Variants in SNTG1 observed in about 807,000 individuals in gnomAD.
SNTG1 encodes syntrophin gamma 1.
A neutral mutation model predicts 74.7 loss-of-function variants in SNTG1; 39 were observed. The observed-to-expected ratio is 0.52, with a 90% confidence interval of 0.40 to 0.68. The LOEUF is 0.68. Ranked by LOEUF, SNTG1 falls within the 30% of genes least tolerant of loss-of-function variation. SNTG1 has a pLI of 0.00. For synonymous variants in SNTG1, 254 were observed against 217.1 expected, an observed-to-expected ratio of 1.17 and a Z score of -1.49; for missense variants, 685 against 609.5, an observed-to-expected ratio of 1.12 and a Z score of -1.30.
chr8:49,931,663 T>C (rs979197531), intron 1 of SNTG1, among the ~76,000 whole-genome samples: 1 of 151,954 alleles, frequency 6.6e-6, no homozygotes, highest in African/African-American at 2.4e-5. Flanking sequence ...ACAAACAAAA[T>C]CAATATCGGT....
At chr8:50,444,924 T>C (rs965183821) in intron 5 of SNTG1, among the ~76,000 whole-genome samples, 2 of 152,200 alleles carry the variant, frequency 1.3e-5, no homozygotes, top group Non-Finnish European at 2.9e-5. Flanking sequence ...CCATACAATT[T>C]ACCCATTTAA....
chr8:50,102,718 T>A (rs1210937080), intron 1 of SNTG1, among the ~76,000 whole-genome samples: 1 of 151,340 alleles, frequency 6.6e-6, no homozygotes, highest in East Asian at 1.9e-4. Context: ...CTTTAATCCA[T>A]CTTGAATTAA....
chr8:50,329,795 T>A (rs1432218017), intron 2 of SNTG1, among the ~76,000 whole-genome samples: 1 of 152,196 alleles, frequency 6.6e-6, no homozygotes, highest in African/African-American at 2.4e-5. Context: ...GCAGCTGGCT[T>A]GAATTTCTCC....
At chr8:50,390,917 T>G (rs945129155) in intron 2 of SNTG1, among the ~76,000 whole-genome samples, 1 of 152,180 alleles carries the variant, frequency 6.6e-6, no homozygotes, top group African/African-American at 2.4e-5. Flanking sequence ...TGCACATTGA[T>G]TTTGTATCCT....
intron 2 of SNTG1, among the ~76,000 whole-genome samples, chr8:50,227,944 A>G (rs2085423945): frequency 6.7e-6 from 1 of 148,892 alleles, no homozygotes; most frequent in African/African-American, 2.4e-5. Flanking sequence ...AAGAAACACC[A>G]ACACCATTAT....
At position 50,674,071 on chromosome 8, in the gene SNTG1, G is replaced by A. The variant is rs188244353; in HGVS notation, c.1038+15408G>A. 2.9e-3 allele frequency among the ~76,000 whole-genome samples: 445 copies of A among 152,090 alleles called. 6 individuals carry two copies. The highest frequency in any genetic ancestry group is 0.01 in the African/African-American group (435 of 41,502). On this transcript the variant is annotated intron_variant, in intron 15 of 18. Coordinates refer to ENST00000642720, the MANE Select transcript of SNTG1 (RefSeq NM_018967.5). ...AGTTTTTTGATGTGCTGCTGGATTC[G>A]GTTTGCCAGTATTTTATTGAAGATT... is the stretch of plus-strand genomic sequence containing the variant.
At chr8:50,259,826 G>T (rs1158053991) in intron 2 of SNTG1, among the ~76,000 whole-genome samples, 1 of 152,160 alleles carries the variant, frequency 6.6e-6, no homozygotes, top group Non-Finnish European at 1.5e-5. Flanking sequence ...GAAGGTAAAT[G>T]CAGATGAATC....
At chr8:50,597,135 T>A (rs1294586241) in intron 13 of SNTG1, among the ~76,000 whole-genome samples, 1 of 151,808 alleles carries the variant, frequency 6.6e-6, no homozygotes, top group East Asian at 1.9e-4. Flanking sequence ...TCAACTTTTT[T>A]TTCGATAACA....
At position 50,685,607 on chromosome 8, in the gene SNTG1, A is replaced by G. The variant is rs935203307; in HGVS notation, c.1039-18993A>G. On this transcript the variant is annotated intron_variant, in intron 15 of 18. Coordinates refer to ENST00000642720, the MANE Select transcript of SNTG1 (RefSeq NM_018967.5). ...GAGTGGAAAATGAAATAATTTCCAT[A>G]AAAACATTTCATAATATAAATCATA... 7.2e-5 allele frequency among the ~76,000 whole-genome samples: 11 copies of G among 152,212 alleles called. No individual in the cohort carries two copies. In the South Asian group the frequency reaches 2.3e-3, roughly 32 times the overall value.
At chr8:50,160,683 C>T (rs2082388748) in intron 1 of SNTG1, among the ~76,000 whole-genome samples, 1 of 152,124 alleles carries the variant, frequency 6.6e-6, no homozygotes, top group South Asian at 2.1e-4. Flanking sequence ...CTTAGAAATA[C>T]TATGCATAGC....
intron 2 of SNTG1, chr8:50,286,879 A>G (rs1212877080): frequency 1.3e-5 from 2 of 152,180 alleles, no homozygotes; most frequent in East Asian, 3.9e-4. Context: ...ACTCAGCTGA[A>G]GCAGCTCTGA....
At chr8:50,704,426 T>G in intron 15 of SNTG1, 174 bp from the exon 16 acceptor site, 2 of 738,274 alleles carry the variant, frequency 2.7e-6, no homozygotes, top group Non-Finnish European at 4.7e-6. Flanking sequence ...AGAGAAGTCA[T>G]GTGTTGGGGC....
At chr8:49,928,667 G>A (rs528333286) in intron 1 of SNTG1, among the ~76,000 whole-genome samples, 1 of 152,128 alleles carries the variant, frequency 6.6e-6, no homozygotes, top group East Asian at 1.9e-4. Context: ...TGCTGTCAAT[G>A]TAAAACTGCT....
chr8:50,421,092 G>A (rs1668317510), intron 4 of SNTG1, among the ~76,000 whole-genome samples: 1 of 148,146 alleles, frequency 6.8e-6, no homozygotes, highest in African/African-American at 2.5e-5. Context: ...ATGAAAGTAA[G>A]GTTTCTATTA....
intron 1 of SNTG1, among the ~76,000 whole-genome samples, chr8:49,987,775 G>T (rs1448608734): frequency 1.3e-5 from 2 of 151,016 alleles, no homozygotes; most frequent in Non-Finnish European, 3.0e-5. Context: ...CAGCCTCCTG[G>T]GTAGCTGGGA....
rs71550209 is a variant in SNTG1 at position 49,938,544 on chromosome 8, C to CTTCTTTCTTTTCTTTTCTT, written c.-103+26319_-103+26320insCTTTTCTTTTCTTTTCTTT. The stretch of plus-strand genomic sequence containing the variant: ...TTTGTCCCTCCCTATCTTACCATGC[C>CTTCTTTCTTTTCTTTTCTT]TTCTTTTCTTTTGTTTTCTTTTCTT... On this transcript the variant is annotated intron_variant, in intron 1 of 18. Transcript: ENST00000642720. 5.7e-5 allele frequency among the ~76,000 whole-genome samples: 6 copies of CTTCTTTCTTTTCTTTTCTT among 105,086 alleles called. 1 individual carries two copies. Among genetic ancestry groups the CTTCTTTCTTTTCTTTTCTT allele is most frequent in the African/African-American group, 2.4e-4 (6 of 25,418 alleles). 68.9% of individuals were successfully genotyped at this position (105,086 alleles called of 152,430 possible).
At chr8:50,555,227 G>A (rs1457148250) in intron 12 of SNTG1, among the ~76,000 whole-genome samples, 1 of 152,130 alleles carries the variant, frequency 6.6e-6, no homozygotes, top group African/African-American at 2.4e-5. Flanking sequence ...CCATATGTCT[G>A]TTGCATATTA....
chr8:50,393,882 A>C (rs2131308371), intron 2 of SNTG1, among the ~76,000 whole-genome samples: 1 of 152,298 alleles, frequency 6.6e-6, no homozygotes, highest in East Asian at 1.9e-4. Context: ...CAGGTTTCAC[A>C]ATGCATGTTG....
chr8:50,780,294 G>T (rs1176051323), intron 18 of SNTG1, among the ~76,000 whole-genome samples: 1 of 152,118 alleles, frequency 6.6e-6, no homozygotes, highest in Non-Finnish European at 1.5e-5. Context: ...GTTCCTCCTT[G>T]TACCTCTTGT....
Sources: allele counts gnomAD v4.1 joint callset (sites outside exome capture counted in the v4.1 genomes callset), GRCh38; gene constraint gnomAD v4.1.1; transcripts MANE v1.5; gene names NCBI Gene and HGNC (gene_info 2026-07-23, HGNC 2026-07-21).